The following RYR2 variants were observed in gnomAD, a reference collection of about 807,000 sequenced individuals.
RYR2 encodes the protein ryanodine receptor 2, also known as cardiac muscle ryanodine receptor-calcium release channel.
A neutral mutation model predicts 601.1 loss-of-function variants in RYR2; 227 were observed. That is an observed-to-expected ratio of 0.38 (90% CI 0.34 to 0.42). The LOEUF (loss-of-function observed/expected upper bound fraction) is 0.42. Ranked by LOEUF, RYR2 falls within the 10% of genes least tolerant of loss-of-function variation. The pLI is 1.00. For missense variants in RYR2, 4,646 were observed against 6,156.5 expected (o/e 0.75, Z 8.21); for synonymous variants, 2,223 against 2,175.1 (o/e 1.02, Z -0.61).
chr1:237,272,908 T>C (rs749149219), intron 2 of RYR2, among the ~76,000 whole-genome samples: 7 of 152,030 alleles, frequency 4.6e-5, no homozygotes, highest in Non-Finnish European at 8.8e-5. Context: ...CCAGAGCACG[T>C]AAACCCACAG....
intron 1 of RYR2, among the ~76,000 whole-genome samples, chr1:237,124,787 C>T (rs560962823): frequency 6.9e-4 from 105 of 151,902 alleles, no homozygotes; most frequent in Non-Finnish European, 9.3e-4. Flanking sequence ...GTGGGGGGCG[C>T]GGGGGGCATT....
intron 1 of RYR2, among the ~76,000 whole-genome samples, chr1:237,218,845 G>C (rs1485004926): frequency 6.6e-6 from 1 of 152,012 alleles, no homozygotes; most frequent in Non-Finnish European, 1.5e-5. Context: ...TGGATATTGG[G>C]TGGTACATCA....
intron 16 of RYR2, among the ~76,000 whole-genome samples, chr1:237,462,905 C>T (rs185869844): frequency 7.0e-4 from 106 of 152,226 alleles, no homozygotes; most frequent in African/African-American, 2.4e-3. Flanking sequence ...TTTAAAATTT[C>T]AGCTTGGTGA....
At chr1:237,197,790 T>C (rs1030259698) in intron 1 of RYR2, among the ~76,000 whole-genome samples, 1 of 152,162 alleles carries the variant, frequency 6.6e-6, no homozygotes, top group Admixed American at 6.5e-5. Flanking sequence ...ATAGCAGCTG[T>C]TGGTAGAGTC....
chr1:237,128,455 A>G (rs1039722476), intron 1 of RYR2, among the ~76,000 whole-genome samples: 2 of 152,188 alleles, frequency 1.3e-5, no homozygotes, highest in African/African-American at 2.4e-5. Context: ...AAGTTGTTCA[A>G]TTTCCCTCTG....
intron 2 of RYR2, among the ~76,000 whole-genome samples, chr1:237,298,732 G>C (rs886267471): frequency 1.3e-5 from 2 of 152,084 alleles, no homozygotes; most frequent in Non-Finnish European, 2.9e-5. Context: ...GGATGCAGTG[G>C]CTCATGCCTA....
At chr1:237,383,586 C>T (rs1261408245) in intron 8 of RYR2, among the ~76,000 whole-genome samples, 1 of 151,590 alleles carries the variant, frequency 6.6e-6, no homozygotes, top group Admixed American at 6.6e-5. Context: ...CCTGCCACCA[C>T]ACCCGGATAA....
chr1:237,596,892 A>G lies in RYR2; in HGVS notation c.4596+1235A>G, dbSNP rs1232459800. Among the ~76,000 whole-genome samples the G allele has an allele frequency of 2.0e-5, 3 of 152,214 alleles. No homozygotes were observed. The East Asian group carries it at 5.8e-4, about 29-fold the overall frequency. On this transcript the variant is annotated intron_variant, in intron 34 of 104. Transcript: ENST00000366574. ...AGAACAACTGTCAGCCAAGAATACT[A>G]TGTCTAGCAAAGCTATCCTTCAGAA...
intron 24 of RYR2, among the ~76,000 whole-genome samples, chr1:237,526,118 C>G (rs1256965285): frequency 6.6e-6 from 1 of 152,054 alleles, no homozygotes; most frequent in African/African-American, 2.4e-5. Flanking sequence ...AGGGGTTGAA[C>G]TAATTTATGT....
intron 63 of RYR2, among the ~76,000 whole-genome samples, chr1:237,688,200 C>G (rs1276173069): frequency 6.6e-6 from 1 of 152,194 alleles, no homozygotes; most frequent in African/African-American, 2.4e-5. Context: ...TCACACTTTC[C>G]TGCATCCGAT....
intron 1 of RYR2, among the ~76,000 whole-genome samples, chr1:237,125,368 A>G (rs538669188): frequency 6.8e-4 from 103 of 151,990 alleles, no homozygotes; most frequent in Middle Eastern, 6.8e-3. Flanking sequence ...TGTGACTCTC[A>G]TCCACAGAGG....
intron 2 of RYR2, among the ~76,000 whole-genome samples, chr1:237,314,595 CTATTT>C (rs1301058315): frequency 6.6e-6 from 1 of 152,094 alleles, no homozygotes; most frequent in Non-Finnish European, 1.5e-5. Flanking sequence ...TGAACATGAG[CTATTT>C]AAGGTGGTTA....
intron 34 of RYR2, among the ~76,000 whole-genome samples, chr1:237,601,408 T>A (rs1238805199): frequency 2.0e-5 from 3 of 152,052 alleles, no homozygotes; most frequent in Non-Finnish European, 4.4e-5. Flanking sequence ...GTGAATAGAA[T>A]AGTGGTTATC....
At chr1:237,410,316 A>G (rs1704316188) in intron 10 of RYR2, among the ~76,000 whole-genome samples, 1 of 152,212 alleles carries the variant, frequency 6.6e-6, no homozygotes. Flanking sequence ...AGGGCAAAAA[A>G]GATCTGTCAC....
At chr1:237,625,580 A>G (rs1679559165) in intron 39 of RYR2, 81 bp from the exon 40 acceptor site, 1 of 1,417,372 alleles carries the variant, frequency 7.1e-7, no homozygotes, top group Non-Finnish European at 9.6e-7. Context: ...TGTGCATGAA[A>G]GAAATTACAA....
At chr1:237,208,964 A>ATATATG (rs1682178072) in intron 1 of RYR2, among the ~76,000 whole-genome samples, 1 of 104,584 alleles carries the variant, frequency 9.6e-6, no homozygotes, top group Non-Finnish European at 2.1e-5. Context: ...ATATATATAT[A>ATATATG]TATATATATA....
At chr1:237,061,268 C>CATCTAT (rs1553275474) in intron 1 of RYR2, among the ~76,000 whole-genome samples, 6 of 88,726 alleles carry the variant, frequency 6.8e-5, no homozygotes, top group Admixed American at 1.1e-4. Flanking sequence ...ATCTATCTAT[C>CATCTAT]CATCTATCAT....
intron 1 of RYR2, among the ~76,000 whole-genome samples, chr1:237,264,804 T>A (rs944937614): frequency 6.6e-6 from 1 of 151,890 alleles, no homozygotes; most frequent in Non-Finnish European, 1.5e-5. Context: ...CAAGCAATTC[T>A]CCTGCCTCAG....
intron 25 of RYR2, among the ~76,000 whole-genome samples, chr1:237,536,691 G>A (rs1668655144): frequency 7.7e-6 from 1 of 130,162 alleles, no homozygotes; most frequent in Non-Finnish European, 1.6e-5. Context: ...CTCCAGCCCG[G>A]ACGACAGAGC....
Sources: gnomAD v4.1 joint callset for allele counts (sites outside exome capture counted in the v4.1 genomes callset) on GRCh38, gnomAD v4.1.1 for gene constraint, MANE v1.5 for transcripts, NCBI Gene and HGNC (gene_info 2026-07-23, HGNC 2026-07-21) for gene names.